VPS13B: variants seen among roughly 807,000 people sequenced by gnomAD.
VPS13B encodes vacuolar protein sorting 13 homolog B.
VPS13B carries 285 observed loss-of-function variants against 426.4 expected under a neutral mutation model. That is an observed-to-expected ratio of 0.67 (90% CI 0.61 to 0.74). The LOEUF is 0.74. Ranked by LOEUF, VPS13B falls within the 30% of genes least tolerant of loss-of-function variation. The pLI, the probability that VPS13B is intolerant of heterozygous loss-of-function variation, is 0.00. For missense variants in VPS13B, 4,537 were observed against 4,782.6 expected (o/e 0.95, Z 1.51); for synonymous variants, 1,676 against 1,676.4 (o/e 1.00, Z 0.01).
intron 29 of VPS13B, among the ~76,000 whole-genome samples, chr8:99,514,878 C>T (rs1047018550): frequency 3.3e-5 from 5 of 152,160 alleles, no homozygotes; most frequent in Non-Finnish European, 5.9e-5. Context: ...TTCTTGGAAG[C>T]CCTTGTGGAT....
intron 19 of VPS13B, among the ~76,000 whole-genome samples, chr8:99,298,915 G>A (rs971941838): frequency 2.0e-5 from 3 of 152,198 alleles, no homozygotes; most frequent in Non-Finnish European, 2.9e-5. Context: ...GGAGTGAGTG[G>A]CAGGTGCTCA....
intron 3 of VPS13B, among the ~76,000 whole-genome samples, chr8:99,086,897 G>A (rs1416621692): frequency 6.6e-6 from 1 of 152,176 alleles, no homozygotes; most frequent in South Asian, 2.1e-4. Context: ...TAGGCTACTC[G>A]GGGGTCAGGG....
chr8:99,325,260 T>C (rs887461345), intron 19 of VPS13B, among the ~76,000 whole-genome samples: 4 of 152,218 alleles, frequency 2.6e-5, no homozygotes, highest in African/African-American at 9.6e-5. Context: ...CAAGATTCTC[T>C]TAAATTCATC....
chr8:99,020,931 C>T (rs988643533), intron 2 of VPS13B, among the ~76,000 whole-genome samples: 1 of 152,182 alleles, frequency 6.6e-6, no homozygotes, highest in African/African-American at 2.4e-5. Flanking sequence ...ATGAAGTCAT[C>T]TGGGTAATGA....
intron 39 of VPS13B, among the ~76,000 whole-genome samples, chr8:99,739,516 G>C (rs1300012438): frequency 6.6e-6 from 1 of 152,214 alleles, no homozygotes; most frequent in Non-Finnish European, 1.5e-5. Context: ...AGAATGGACA[G>C]ACTGCCTCCT....
intron 43 of VPS13B, among the ~76,000 whole-genome samples, chr8:99,791,833 T>C (rs1812552296): frequency 6.6e-6 from 1 of 152,006 alleles, no homozygotes; most frequent in Non-Finnish European, 1.5e-5. Context: ...ACTTTCCCAT[T>C]TTTTTGGCTT....
At chr8:99,717,401 C>A in intron 37 of VPS13B, 28 bp downstream of exon 37, 1 of 1,588,350 alleles carries the variant, frequency 6.3e-7, no homozygotes, top group South Asian at 1.1e-5. Flanking sequence ...ATATTTTTTT[C>A]ATAGGTTATT....
chr8:99,557,142 AT>A (rs988751823), intron 31 of VPS13B, among the ~76,000 whole-genome samples: 2 of 151,800 alleles, frequency 1.3e-5, no homozygotes, highest in African/African-American at 4.8e-5. Flanking sequence ...ATCTTTTTAA[AT>A]TTTTTTTATT....
At chr8:99,437,404 TA>T (rs200898910) in intron 22 of VPS13B, among the ~76,000 whole-genome samples, 2 of 149,520 alleles carry the variant, frequency 1.3e-5, no homozygotes, top group Admixed American at 6.6e-5. Flanking sequence ...TCTTTTTTTT[TA>T]AAAAAAAATA....
intron 39 of VPS13B, among the ~76,000 whole-genome samples, chr8:99,733,391 T>G (rs1056295677): frequency 6.6e-6 from 1 of 152,232 alleles, no homozygotes; most frequent in Admixed American, 6.5e-5. Flanking sequence ...AAGTAACTTC[T>G]TAGTACTTCA....
At chr8:99,347,643 C>T (rs928169172) in intron 19 of VPS13B, 6 of 152,264 alleles carry the variant, frequency 3.9e-5, no homozygotes, top group African/African-American at 1.4e-4. Context: ...TTGTGCCTGT[C>T]AGCTTCACAC....
intron 21 of VPS13B, among the ~76,000 whole-genome samples, chr8:99,408,998 A>G (rs1023793148): frequency 1.3e-5 from 2 of 152,178 alleles, no homozygotes; most frequent in African/African-American, 4.8e-5. Flanking sequence ...CAGAAATTTT[A>G]GTGACTCAAC....
Position 99,685,047 on chromosome 8 carries a change from C to T in VPS13B, c.6047-14478C>T, listed in dbSNP as rs150081287. 2.2e-3 allele frequency among the ~76,000 whole-genome samples: 328 copies of T among 152,278 alleles called. 2 individuals carry two copies. The highest frequency in any genetic ancestry group is 7.4e-3 in the African/African-American group (308 of 41,562). On this transcript the variant is annotated intron_variant, in intron 35 of 61. Transcript: ENST00000357162. ...TGAACTCCTGACTTTGTGATCCACC[C>T]GCCTTGGCCTACCAAAGGGCTGGGA...
chr8:99,866,112 A>G (rs566350977), intron 58 of VPS13B, among the ~76,000 whole-genome samples: 1 of 152,280 alleles, frequency 6.6e-6, no homozygotes, highest in African/African-American at 2.4e-5. Context: ...AGCCATCTCC[A>G]TGTGGTCGCC....
At chr8:99,139,097 T>C (rs968878596) in intron 12 of VPS13B, among the ~76,000 whole-genome samples, 1 of 152,206 alleles carries the variant, frequency 6.6e-6, no homozygotes, top group African/African-American at 2.4e-5. Context: ...AAACAAAATA[T>C]TGAATATTGC....
At chr8:99,124,874 C>T (rs1377766106) in intron 8 of VPS13B, among the ~76,000 whole-genome samples, 2 of 118,260 alleles carry the variant, frequency 1.7e-5, no homozygotes, top group Admixed American at 1.7e-4. Flanking sequence ...AAGAGCAAGA[C>T]TCCGTCTCAA....
chr8:99,431,762 A>G lies in VPS13B; in HGVS notation c.3210+98A>G. On this transcript the variant is annotated intron_variant, in intron 22 of 61. Coordinates refer to ENST00000357162, the MANE Select transcript of VPS13B (RefSeq NM_152564.5). ...GGTAAGACTTTTCTCACATGTAACA[A>G]TTATGTATACCATCTCATTTTCTTA... 3 of 1,230,618 alleles carry G rather than the reference A, an allele frequency of 2.4e-6. No homozygotes were observed. The East Asian group carries it at 7.7e-5, about 32-fold the overall frequency. 76.2% of individuals were successfully genotyped at this position (1,230,618 alleles called of 1,614,324 possible).
rs566652568 is a variant in VPS13B at position 99,826,127 on chromosome 8, G to A, written c.9330+2149G>A. Among the ~76,000 whole-genome samples the A allele has an allele frequency of 2.6e-5, 4 of 152,288 alleles. No individual in the cohort carries two copies. In the South Asian group the frequency reaches 8.3e-4, roughly 32 times the overall value. ...TGAAGAAAGTCAATGGTAGCTTGATGGGGATAGCATTGAATCTATAAATTA... is the reference window on the plus strand; with the variant it reads ...TGAAGAAAGTCAATGGTAGCTTGATAGGGATAGCATTGAATCTATAAATTA... On this transcript the variant is annotated intron_variant, in intron 51 of 61. Coordinates refer to ENST00000357162, the MANE Select transcript of VPS13B (RefSeq NM_152564.5).
chr8:99,846,922 G>A (rs977547684), intron 54 of VPS13B, among the ~76,000 whole-genome samples: 1 of 152,150 alleles, frequency 6.6e-6, no homozygotes, highest in Non-Finnish European at 1.5e-5. Flanking sequence ...TTAGGAAAAG[G>A]AATATGAGAT....
Sources: gnomAD v4.1 joint callset for allele counts (sites outside exome capture counted in the v4.1 genomes callset) on GRCh38, gnomAD v4.1.1 for gene constraint, MANE v1.5 for transcripts, NCBI Gene and HGNC (gene_info 2026-07-23, HGNC 2026-07-21) for gene names.